Variants in CAST observed in about 807,000 individuals in gnomAD.
The protein encoded by CAST is calpastatin, also known as MIR583 host.
In CAST, 76 loss-of-function variants were observed where a neutral mutation model predicts 119.6. The ratio of observed to expected loss-of-function variants is 0.64; its 90% CI spans 0.53 to 0.77. CAST has a LOEUF of 0.77. CAST is among the 30% of genes least tolerant of loss of function. The pLI, the probability that CAST is intolerant of heterozygous loss-of-function variation, is 0.00. For synonymous variants in CAST, 319 were observed against 331.6 expected (o/e 0.96, Z 0.41); for missense variants, 953 against 946.5 (o/e 1.01, Z -0.09).
At chr5:96,350,251 GACAA>G in the CAST span, among the ~76,000 whole-genome samples, 1 of 152,104 alleles carries the variant, frequency 6.6e-6, no homozygotes, top group Non-Finnish European at 1.5e-5. Flanking sequence ...GTAGATAAGA[GACAA>G]ACAGTTGCAC....
At chr5:96,122,858 A>G in the CAST span, among the ~76,000 whole-genome samples, 2 of 152,128 alleles carry the variant, frequency 1.3e-5, no homozygotes, top group Admixed American at 6.5e-5. Flanking sequence ...AGGTCAAATA[A>G]AGTAACTGTC....
the CAST span, among the ~76,000 whole-genome samples, chr5:96,194,430 T>A: frequency 6.6e-6 from 1 of 152,182 alleles, no homozygotes; most frequent in Admixed American, 6.5e-5. Flanking sequence ...TATCTTATGA[T>A]GTGATGGGTG....
At chr5:96,172,110 T>C in the CAST span, among the ~76,000 whole-genome samples, 2 of 152,036 alleles carry the variant, frequency 1.3e-5, no homozygotes, top group African/African-American at 4.8e-5. Flanking sequence ...TTTTATAGGA[T>C]TTGGGTAGGT....
chr5:96,232,467 A>C, the CAST span, among the ~76,000 whole-genome samples: 2 of 152,248 alleles, frequency 1.3e-5, no homozygotes, highest in Middle Eastern at 6.8e-3. Context: ...ATCTATGGGG[A>C]TCTGCAGAAA....
intron 1 of CAST, among the ~76,000 whole-genome samples, chr5:96,586,079 C>A (rs1746854693): frequency 1.3e-5 from 2 of 152,004 alleles, no homozygotes; most frequent in South Asian, 2.1e-4. Flanking sequence ...TATTTTTCAC[C>A]AGCTCATTTA....
chr5:96,598,295 A>G (rs1389611713), intron 1 of CAST, among the ~76,000 whole-genome samples: 1 of 152,010 alleles, frequency 6.6e-6, no homozygotes, highest in Non-Finnish European at 1.5e-5. Context: ...CCTTTCATGG[A>G]CTTCTCTCCA....
At position 96,730,885 on chromosome 5, in the gene CAST, A is replaced by G. The variant is rs111559019; in HGVS notation, c.630+25A>G. ...GGTGAGCACACACAAGCAGACGGAA[A>G]CGTGGGCCTCTGTGCTTCTCAAGTT... On this transcript the variant is annotated intron_variant, in intron 9 of 31. Coordinates refer to ENST00000675179, the MANE Select transcript of CAST (RefSeq NM_001750.7). 38 of 1,541,588 alleles carry G rather than the reference A, an allele frequency of 2.5e-5. No homozygotes were observed. The African/African-American group carries it at 3.7e-4, about 15-fold the overall frequency.
chr5:96,061,662 T>C, the CAST span, among the ~76,000 whole-genome samples: 1 of 151,810 alleles, frequency 6.6e-6, no homozygotes, highest in South Asian at 2.1e-4. Context: ...TGTGTGTGTG[T>C]GTGTGCGTGT....
chr5:96,147,440 T>C, the CAST span, among the ~76,000 whole-genome samples: 1 of 151,848 alleles, frequency 6.6e-6, no homozygotes, highest in African/African-American at 2.4e-5. Flanking sequence ...CCGTCTCTAC[T>C]AAAAATACAA....
At chr5:96,217,348 A>AT in the CAST span, among the ~76,000 whole-genome samples, 82 of 144,366 alleles carry the variant, frequency 5.7e-4, no homozygotes, top group South Asian at 1.1e-3. Flanking sequence ...GCCAAATTAA[A>AT]TTTTTTTTTT....
chr5:95,972,155 G>A, the CAST span, among the ~76,000 whole-genome samples: 1 of 151,872 alleles, frequency 6.6e-6, no homozygotes, highest in African/African-American at 2.4e-5. Flanking sequence ...TAGATATAAG[G>A]TCTCACTGTG....
At chr5:96,268,375 C>CACTGCACTT in the CAST span, among the ~76,000 whole-genome samples, 1 of 152,064 alleles carries the variant, frequency 6.6e-6, no homozygotes, top group African/African-American at 2.4e-5. Flanking sequence ...AAGTTCGGGC[C>CACTGCACTT]CAGTCTGGGC....
At chr5:96,752,942 C>T (rs1765443825) in intron 20 of CAST, among the ~76,000 whole-genome samples, 1 of 148,714 alleles carries the variant, frequency 6.7e-6, no homozygotes, top group Non-Finnish European at 1.5e-5. Flanking sequence ...TTTATCCCTT[C>T]TATGTATGAT....
At chr5:96,549,517 C>A (rs1339350666) in intron 1 of CAST, among the ~76,000 whole-genome samples, 1 of 152,256 alleles carries the variant, frequency 6.6e-6, no homozygotes, top group Middle Eastern at 3.4e-3. Flanking sequence ...ACTGAGGTAC[C>A]TGGTTCATCT....
At chr5:96,141,359 G>A in the CAST span, among the ~76,000 whole-genome samples, 1 of 152,138 alleles carries the variant, frequency 6.6e-6, no homozygotes, top group Admixed American at 6.5e-5. Flanking sequence ...GAAATGGTTG[G>A]CATTCTCCAA....
At chr5:96,560,016 C>A (rs970655644) in intron 1 of CAST, among the ~76,000 whole-genome samples, 72 of 152,124 alleles carry the variant, frequency 4.7e-4, no homozygotes, top group Non-Finnish European at 9.0e-4. Flanking sequence ...AGATATAGAC[C>A]AATGGAACAG....
the CAST span, among the ~76,000 whole-genome samples, chr5:96,168,407 A>G: frequency 6.6e-6 from 1 of 152,220 alleles, no homozygotes; most frequent in African/African-American, 2.4e-5. Context: ...CTTTCTGCCT[A>G]TACAACAGCA....
At chr5:96,763,041 G>C in intron 25 of CAST, 2 of 737,504 alleles carry the variant, frequency 2.7e-6, no homozygotes, top group Non-Finnish European at 5.0e-6. Flanking sequence ...ATTATAAAGG[G>C]ATTGCCCTAA....
chr5:96,412,109 G>A, the CAST span, among the ~76,000 whole-genome samples: 37 of 152,158 alleles, frequency 2.4e-4, no homozygotes, highest in African/African-American at 8.5e-4. Context: ...TGGCCATCGC[G>A]CCTGGCCACA....
Sources: gnomAD v4.1 joint callset for allele counts (sites outside exome capture counted in the v4.1 genomes callset) on GRCh38, gnomAD v4.1.1 for gene constraint, MANE v1.5 for transcripts, NCBI Gene and HGNC (gene_info 2026-07-23, HGNC 2026-07-21) for gene names.